The following FAM167A variants were observed in gnomAD, a reference collection of about 807,000 sequenced individuals.
The protein encoded by FAM167A is protein FAM167A.
FAM167A carries 23 observed loss-of-function variants against 14.9 expected under a neutral mutation model. That is an observed-to-expected ratio of 1.55 (90% CI 1.11 to 2.19). The LOEUF (loss-of-function observed/expected upper bound fraction) is 2.19. FAM167A is among the 30% of genes most tolerant of loss of function. FAM167A has a pLI of 0.00. For missense variants in FAM167A, 401 were observed against 281.5 expected, an observed-to-expected ratio of 1.42 and a Z score of -3.04; for synonymous variants, 174 against 117.7, an observed-to-expected ratio of 1.48 and a Z score of -3.10.
chr8:11,430,910 G>A (rs1805536321), intron 2 of FAM167A, among the ~76,000 whole-genome samples: 1 of 152,206 alleles, frequency 6.6e-6, no homozygotes, highest in Non-Finnish European at 1.5e-5. Context: ...TGGACCTGGG[G>A]ATTTTCCTGG....
chr8:11,443,752 G>T lies in FAM167A; in HGVS notation c.381+279C>A, dbSNP rs542896425. The T allele has an allele frequency of 3.1e-4, 122 of 398,360 alleles. 3 individuals carry two copies. In the South Asian group the frequency reaches 3.1e-3, roughly 10 times the overall value. The allele number at this position is 398,360 out of a possible 1,614,324, so 24.7% of individuals were successfully genotyped here. Reference sequence around the variant, plus strand: ...TACTGGGAGCGGTGTTGGGGGGAGGGGGGTACACCTTAACATGGGTTCAGG... The same window carrying T: ...TACTGGGAGCGGTGTTGGGGGGAGGTGGGTACACCTTAACATGGGTTCAGG... On this transcript the variant is annotated intron_variant, in intron 2 of 2. Coordinates refer to ENST00000284486, the MANE Select transcript of FAM167A (RefSeq NM_053279.3).
chr8:11,427,087 T>C (rs1319416514), intron 2 of FAM167A, among the ~76,000 whole-genome samples: 2 of 152,246 alleles, frequency 1.3e-5, no homozygotes, highest in Non-Finnish European at 2.9e-5. Flanking sequence ...TCTTTGCAGC[T>C]ATCTTATCTA....
intron 1 of FAM167A, among the ~76,000 whole-genome samples, chr8:11,453,010 C>T (rs1807087422): frequency 6.6e-6 from 1 of 152,170 alleles, no homozygotes; most frequent in Admixed American, 6.5e-5. Flanking sequence ...TTCATCACGG[C>T]TGCCCCCATT....
chr8:11,422,374 GTGTGTGTGT>G lies in FAM167A; in HGVS notation c.*1990_*1998del, dbSNP rs879246387. On this transcript the variant is annotated 3_prime_UTR_variant, in exon 3 of 3. Coordinates refer to ENST00000284486, the MANE Select transcript of FAM167A (RefSeq NM_053279.3). The stretch of plus-strand genomic sequence containing the variant: ...CTCTGTCGTGTGTGTGTGTGTGGGG[GTGTGTGTGT>G]GTGTGTGTGTGTGTGTGTGTGTAGG... 0.12 allele frequency: 11,410 copies of G among 91,730 alleles called. 472 individuals are homozygous for G. The highest frequency in any genetic ancestry group is 0.28 in the Middle Eastern group (55 of 200). The allele number at this position is 91,730 out of a possible 1,614,324, so 5.7% of individuals were successfully genotyped here. A position where few individuals can be genotyped will look rare whatever the true frequency, so the allele number is the denominator to read the frequency against.
intron 2 of FAM167A, among the ~76,000 whole-genome samples, chr8:11,425,743 C>T (rs961314836): frequency 1.3e-5 from 2 of 152,256 alleles, no homozygotes; most frequent in Non-Finnish European, 2.9e-5. Flanking sequence ...ACTGACAAAA[C>T]AGACTCTTTG....
At position 11,422,220 on chromosome 8, in the gene FAM167A, T is replaced by G; in HGVS notation, c.*2153A>C. ...TACATTCAGCTAAATCTTTCCATTT[T>G]CGCTGAACCCAATGGTTTCGGTTAC... On this transcript the variant is annotated 3_prime_UTR_variant, in exon 3 of 3. Coordinates refer to ENST00000284486, the MANE Select transcript of FAM167A (RefSeq NM_053279.3). The G allele has an allele frequency of 5.8e-6, 1 of 172,936 alleles. No individual in the cohort carries two copies. The allele number at this position is 172,936 out of a possible 1,614,324, so 10.7% of individuals were successfully genotyped here. A position where few individuals can be genotyped will look rare whatever the true frequency, so the allele number is the denominator to read the frequency against.
chr8:11,435,177 C>T (rs934225756), intron 2 of FAM167A: 2 of 455,272 alleles, frequency 4.4e-6, no homozygotes, highest in Non-Finnish European at 8.8e-6. Context: ...CCCCACAGGG[C>T]AGCCACACTG....
intron 2 of FAM167A, among the ~76,000 whole-genome samples, chr8:11,435,474 A>G (rs1805942983): frequency 6.6e-6 from 1 of 152,228 alleles, no homozygotes; most frequent in Non-Finnish European, 1.5e-5. Context: ...TGAATCAATG[A>G]ATCAATCCGT....
chr8:11,443,115 C>T (rs949142947), intron 2 of FAM167A, among the ~76,000 whole-genome samples: 1 of 152,214 alleles, frequency 6.6e-6, no homozygotes, highest in Non-Finnish European at 1.5e-5. Flanking sequence ...GCAGGTGTCA[C>T]CTGGGCCTCA....
intron 1 of FAM167A, among the ~76,000 whole-genome samples, chr8:11,449,209 G>C (rs1373044659): frequency 1.3e-5 from 2 of 152,224 alleles, no homozygotes; most frequent in African/African-American, 4.8e-5. Flanking sequence ...CCTGGTGCCT[G>C]AACAAGCCCA....
At chr8:11,438,514 G>A (rs545675116) in intron 2 of FAM167A, 10 of 457,164 alleles carry the variant, frequency 2.2e-5, no homozygotes, top group Non-Finnish European at 4.4e-5. Context: ...CCTGGTGCTA[G>A]CACTTTTGCT....
At chr8:11,457,730 C>T (rs558894290) in intron 1 of FAM167A, among the ~76,000 whole-genome samples, 19 of 152,324 alleles carry the variant, frequency 1.2e-4, no homozygotes, top group Middle Eastern at 3.4e-3. Flanking sequence ...CCCTCACTGG[C>T]GAGCTAGGCC....
Position 11,421,514 on chromosome 8 carries a change from T to C in FAM167A, c.*2859A>G, listed in dbSNP as rs1477083009. The C allele has an allele frequency of 5.2e-6, 2 of 385,314 alleles. No individual in the cohort carries two copies. The highest frequency in any genetic ancestry group is 9.2e-6 in the Non-Finnish European group (2 of 218,214). The allele number at this position is 385,314 out of a possible 1,614,324, so 23.9% of individuals were successfully genotyped here. On this transcript the variant is annotated 3_prime_UTR_variant, in exon 3 of 3. Coordinates refer to ENST00000284486, the MANE Select transcript of FAM167A (RefSeq NM_053279.3). ...TGGATATCTTCTTTTGAAGTATTTT[T>C]ATTTCACTTTTTCTAACAGCAATAT...
intron 1 of FAM167A, chr8:11,445,715 T>TGGAGG: frequency 1.4e-6 from 1 of 716,348 alleles, no homozygotes; most frequent in Non-Finnish European, 1.7e-6. Context: ...GCCTCCAGAC[T>TGGAGG]CTGTGGTCCG....
chr8:11,446,585 A>C (rs1380541346), intron 1 of FAM167A: 1 of 152,206 alleles, frequency 6.6e-6, no homozygotes, highest in Non-Finnish European at 1.5e-5. Context: ...GCCTAGCTCT[A>C]CGTCTTGTCA....
chr8:11,434,657 A>G (rs1196280487), intron 2 of FAM167A, among the ~76,000 whole-genome samples: 1 of 152,172 alleles, frequency 6.6e-6, no homozygotes, highest in Non-Finnish European at 1.5e-5. Flanking sequence ...TTCAGGGGTG[A>G]GGCTGGCCTT....
At chr8:11,427,478 G>A (rs780957481) in intron 2 of FAM167A, among the ~76,000 whole-genome samples, 14 of 152,156 alleles carry the variant, frequency 9.2e-5, no homozygotes, top group Non-Finnish European at 1.6e-4. Context: ...CGACATGCTC[G>A]GCTGTGCCAT....
chr8:11,421,690 C>A lies in FAM167A; in HGVS notation c.*2683G>T. The A allele has an allele frequency of 2.5e-6, 1 of 398,914 alleles. No individual in the cohort carries two copies. The highest frequency in any genetic ancestry group is 4.4e-6 in the Non-Finnish European group (1 of 226,064). The allele number at this position is 398,914 out of a possible 1,614,324, so 24.7% of individuals were successfully genotyped here. A position where few individuals can be genotyped will look rare whatever the true frequency, so the allele number is the denominator to read the frequency against. Reference sequence around the variant, plus strand: ...AGGCCTCTTTGATAGCTACTGAGCCCCTGAAGGCATCAAGACATGACCACG... The same window carrying A: ...AGGCCTCTTTGATAGCTACTGAGCCACTGAAGGCATCAAGACATGACCACG... On this transcript the variant is annotated 3_prime_UTR_variant, in exon 3 of 3. Transcript: ENST00000284486.
chr8:11,460,958 G>T (rs1287171450), intron 1 of FAM167A, among the ~76,000 whole-genome samples: 1 of 152,258 alleles, frequency 6.6e-6, no homozygotes, highest in African/African-American at 2.4e-5. Context: ...GGCTCAGGCT[G>T]CTTCAAGCTG....
Sources: gnomAD v4.1 joint callset for allele counts (sites outside exome capture counted in the v4.1 genomes callset) on GRCh38, gnomAD v4.1.1 for gene constraint, MANE v1.5 for transcripts, NCBI Gene and HGNC (gene_info 2026-07-23, HGNC 2026-07-21) for gene names.